The following LYVE1 variants were observed in gnomAD, a reference collection of about 807,000 sequenced individuals.
LYVE1 encodes lymphatic vessel endothelial hyaluronan receptor 1, also known as lymphatic vessel endothelial hyaluronic acid receptor 1.
Under a neutral mutation model 31.5 loss-of-function variants are expected in LYVE1, and 29 were observed. That is an observed-to-expected ratio of 0.92 (90% CI 0.69 to 1.26). The LOEUF (loss-of-function observed/expected upper bound fraction) is 1.26. LYVE1 is among the 50% of genes most tolerant of loss of function. LYVE1 has a pLI of 0.00. For missense variants in LYVE1, 376 were observed against 380.2 expected (o/e 0.99, Z 0.09); for synonymous variants, 134 against 139.4 (o/e 0.96, Z 0.27).
At chr11:10,568,125 T>G (rs1377407220) in intron 1 of LYVE1, among the ~76,000 whole-genome samples, 3 of 152,068 alleles carry the variant, frequency 2.0e-5, no homozygotes, top group Non-Finnish European at 4.4e-5. Context: ...CAAAGCGAGA[T>G]CCCATTGCTA....
intron 3 of LYVE1, among the ~76,000 whole-genome samples, chr11:10,563,688 G>C (rs1007605194): frequency 6.6e-6 from 1 of 152,070 alleles, no homozygotes; most frequent in African/African-American, 2.4e-5. Flanking sequence ...TAGGATGCAG[G>C]GATGGTGGCA....
intron 1 of LYVE1, among the ~76,000 whole-genome samples, chr11:10,567,681 G>C (rs1308726928): frequency 6.6e-6 from 1 of 152,150 alleles, no homozygotes; most frequent in Admixed American, 6.5e-5. Flanking sequence ...TTTGCCTACA[G>C]TGCAAAATGA....
Position 10,557,487 on chromosome 11 carries a change from G to A in LYVE1, c.*1624C>T, listed in dbSNP as rs1046255232. 1 of 152,234 alleles carries A rather than the reference G, an allele frequency of 6.6e-6. No individual in the cohort carries two copies. Among genetic ancestry groups the A allele is most frequent in the African/African-American group, 2.4e-5 (1 of 41,454 alleles). The allele number at this position is 152,234 out of a possible 1,614,324, so 9.4% of individuals were successfully genotyped here. ...TGGGCCGAAGGAACCACGGAGCTGT[G>A]GGGTCACTGGTGAGGGGAAGAAGAC... On this transcript the variant is annotated 3_prime_UTR_variant, in exon 6 of 6. Transcript: ENST00000256178.
chr11:10,562,946 CTT>C (rs71034774), intron 3 of LYVE1, among the ~76,000 whole-genome samples: 8 of 79,468 alleles, frequency 1.0e-4, no homozygotes, highest in Admixed American at 1.9e-4. Flanking sequence ...AACTCGGTTT[CTT>C]TTTTTTTTTT....
intron 3 of LYVE1, 41 bp downstream of exon 3, chr11:10,563,899 C>A: frequency 1.9e-6 from 3 of 1,613,206 alleles, no homozygotes; most frequent in Non-Finnish European, 2.5e-6. Context: ...GTGAGAGATA[C>A]CCAGAGAATG....
intron 3 of LYVE1, among the ~76,000 whole-genome samples, chr11:10,562,946 C>CTTTTTTTTTT (rs71034774): frequency 1.3e-5 from 1 of 79,454 alleles, no homozygotes; most frequent in Admixed American, 1.9e-4. Context: ...AACTCGGTTT[C>CTTTTTTTTTT]TTTTTTTTTT....
At chr11:10,563,108 C>T (rs1303198856) in intron 3 of LYVE1, among the ~76,000 whole-genome samples, 1 of 151,990 alleles carries the variant, frequency 6.6e-6, no homozygotes, top group African/African-American at 2.4e-5. Flanking sequence ...TGCCTGCCAC[C>T]ACGCCTGGCT....
chr11:10,561,444 T>C (rs1411370809), intron 3 of LYVE1, among the ~76,000 whole-genome samples: 1 of 152,106 alleles, frequency 6.6e-6, no homozygotes, highest in African/African-American at 2.4e-5. Flanking sequence ...AATATACACA[T>C]GTGGTGTCAC....
At chr11:10,560,076 C>G (rs746164) in intron 4 of LYVE1, among the ~76,000 whole-genome samples, 182 bp from the exon 5 acceptor site, 54,381 of 151,992 alleles carry the variant, frequency 0.36, 10,838 homozygotes, top group East Asian at 0.71. Flanking sequence ...ATTGGCCTTG[C>G]TTCTCACACT....
intron 3 of LYVE1, 114 bp downstream of exon 3, chr11:10,563,826 A>G (rs939279226): frequency 1.5e-6 from 2 of 1,327,796 alleles, no homozygotes; most frequent in African/African-American, 1.4e-5. Context: ...GGAGAATTAG[A>G]TGGCCGTGGC....
chr11:10,559,811 C>G lies in LYVE1; in HGVS notation c.782+5G>C, dbSNP rs1210362518. On this transcript the variant is annotated splice_donor_5th_base_variant and intron_variant, in intron 5 of 5. Transcript: ENST00000256178. ...ACAAGACTAGCAGTGCACCAACAAC[C>G]CTACCTTTTGACATAGCAAAATCCA... 6.2e-7 allele frequency: 1 copy of G among 1,613,550 alleles called. No individual in the cohort carries two copies. The highest frequency in any genetic ancestry group is 1.3e-5 in the African/African-American group (1 of 74,998).
intron 1 of LYVE1, 48 bp from the exon 2 acceptor site, chr11:10,564,422 C>T (rs770102637): frequency 6.4e-7 from 1 of 1,569,788 alleles, no homozygotes; most frequent in Non-Finnish European, 8.7e-7. Flanking sequence ...TCCTTGTTTC[C>T]AGCCCTTAGA....
chr11:10,564,348 T>C lies in LYVE1; in HGVS notation c.112A>G (p.Ile38Val). ...EELSIQVSCR[I>V]MGITLVSKKA... Reference sequence around the variant, plus strand: ...TTGCTCACAAGGGTGATCCCCATAATTCTGCATGACACCTGGATGGAAAGC... The same window carrying C: ...TTGCTCACAAGGGTGATCCCCATAACTCTGCATGACACCTGGATGGAAAGC... The change falls in exon 2 of 6, where the codon ATT (isoleucine) becomes GTT (valine). Residue 38 changes from isoleucine (I) to valine (V), a missense_variant. By Grantham distance (29) the Ile-to-Val change is conservative (BLOSUM62 3). Transcript: ENST00000256178. 1.2e-6 allele frequency: 2 copies of C among 1,614,014 alleles called. No individual in the cohort carries two copies. Among genetic ancestry groups the C allele is most frequent in the Non-Finnish European group, 1.7e-6 (2 of 1,179,928 alleles).
chr11:10,559,164 C>G lies in LYVE1; in HGVS notation c.916G>C (p.Glu306Gln), dbSNP rs1003761554. ...ESKKTDKNPE[E>Q]SKSPSKTTVR... ...GTAGTTTTGCTTGGACTCTTGGACT[C>G]TTCTGGGTTTTTATCAGTTTTCTTT... is the stretch of plus-strand genomic sequence containing the variant. The change falls in exon 6 of 6, where the codon GAG becomes CAG. Residue 306 changes from glutamate to glutamine, a missense_variant. Glu to Gln is a conservative substitution (Grantham distance 29). Transcript: ENST00000256178. 1.2e-6 allele frequency: 2 copies of G among 1,614,192 alleles called. No homozygotes were observed. The highest frequency in any genetic ancestry group is 1.7e-6 in the Non-Finnish European group (2 of 1,180,022).
At chr11:10,567,207 T>C (rs975505439) in intron 1 of LYVE1, among the ~76,000 whole-genome samples, 9 of 152,230 alleles carry the variant, frequency 5.9e-5, no homozygotes, top group Non-Finnish European at 1.2e-4. Flanking sequence ...ACTATATACT[T>C]GGCCCTCAAA....
chr11:10,559,949 T>A lies in LYVE1; in HGVS notation c.704-55A>T, dbSNP rs1591512809. On this transcript the variant is annotated intron_variant, in intron 4 of 5. Transcript: ENST00000256178. ...TCCTTCACTTAAACATTGTGTGTAA[T>A]GCTCATTGCATGATCCAGGTGATTG... 14 of 1,250,112 alleles carry A rather than the reference T, an allele frequency of 1.1e-5. No individual in the cohort carries two copies. The East Asian group carries it at 3.2e-4, about 29-fold the overall frequency. The allele number at this position is 1,250,112 out of a possible 1,614,324, so 77.4% of individuals were successfully genotyped here.
In LYVE1 at chr11:10,560,905, A is replaced by G. The variant is rs559940433; in HGVS notation, c.398-105T>C. The G allele has an allele frequency of 6.3e-4, 577 of 921,838 alleles. 8 individuals carry two copies. In the South Asian group the frequency reaches 9.1e-3, roughly 15 times the overall value. The allele number at this position is 921,838 out of a possible 1,614,324, so 57.1% of individuals were successfully genotyped here. On this transcript the variant is annotated intron_variant, in intron 3 of 5. Transcript: ENST00000256178. ...CCAAACCCCTTATACCGCAGCTGGA[A>G]TGGTCTTTAAAAAGCAAATCTAACC...
chr11:10,568,167 G>C (rs982763478), intron 1 of LYVE1, among the ~76,000 whole-genome samples: 10 of 152,274 alleles, frequency 6.6e-5, no homozygotes, highest in African/African-American at 2.4e-4. Flanking sequence ...ATACAAAAAA[G>C]AGTAAAAATC....
chr11:10,558,441 T>G lies in LYVE1; in HGVS notation c.*670A>C, dbSNP rs1277647986. On this transcript the variant is annotated 3_prime_UTR_variant, in exon 6 of 6. Transcript: ENST00000256178. ...AAGTGTGTGTGTTCTAAACAGTGAT[T>G]CCAACTCAATGTGTTCAGAGAAAAC... is the stretch of plus-strand genomic sequence containing the variant. The G allele has an allele frequency of 6.6e-6, 1 of 152,252 alleles. No individual in the cohort carries two copies. Among genetic ancestry groups the G allele is most frequent in the Non-Finnish European group, 1.5e-5 (1 of 68,048 alleles). 9.4% of individuals were successfully genotyped at this position (152,252 alleles called of 1,614,324 possible). A position where few individuals can be genotyped will look rare whatever the true frequency, so the allele number is the denominator to read the frequency against.
Sources: gnomAD v4.1 joint callset for allele counts (sites outside exome capture counted in the v4.1 genomes callset) on GRCh38, gnomAD v4.1.1 for gene constraint, MANE v1.5 for transcripts, NCBI Gene and HGNC (gene_info 2026-07-23, HGNC 2026-07-21) for gene names.